The following MID1 variants were observed in gnomAD, a reference collection of about 807,000 sequenced individuals.
MID1 encodes midline 1.
In MID1, 7 loss-of-function variants were observed where a neutral mutation model predicts 40.4. That is an observed-to-expected ratio of 0.17 (90% CI 0.10 to 0.33). MID1 has a LOEUF of 0.33. Among genes scored for constraint, MID1 ranks in the 10% least tolerant of loss-of-function variants. MID1 has a pLI of 1.00. For missense variants in MID1, 367 were observed against 558.5 expected (o/e 0.66, Z 3.46); for synonymous variants, 229 against 221.2 (o/e 1.04, Z -0.31).
At chrX:10,725,051 A>G (rs2043380700) in intron 1 of MID1, among the ~76,000 whole-genome samples, 1 of 111,378 alleles carries the variant, frequency 9.0e-6, no homozygotes. Flanking sequence ...ATGGGTCTGA[A>G]CTCCAAAACT....
At chrX:10,829,535 T>G (rs771877917) in intron 1 of MID1, among the ~76,000 whole-genome samples, 7 of 112,110 alleles carry the variant, frequency 6.2e-5, no homozygotes, top group South Asian at 7.4e-4. Context: ...AAAATAACAT[T>G]AAATGAACCA....
intron 1 of MID1, among the ~76,000 whole-genome samples, chrX:10,646,218 T>C (rs1032248224): frequency 1.8e-5 from 2 of 111,951 alleles, no homozygotes; most frequent in Non-Finnish European, 3.8e-5. Flanking sequence ...CTTTCCCGCT[T>C]TAAATGTTGA....
At position 10,494,723 on chromosome X, in the gene MID1, A is replaced by C. The variant is rs920152295; in HGVS notation, c.864+861T>G. Among the ~76,000 whole-genome samples, 3 of 104,186 alleles carry C rather than the reference A, an allele frequency of 2.9e-5. No homozygotes were observed. The East Asian group carries it at 9.0e-4, about 31-fold the overall frequency. 90.5% of individuals were successfully genotyped at this position (104,186 alleles called of 115,157 possible). A position where few individuals can be genotyped will look rare whatever the true frequency, so the allele number is the denominator to read the frequency against. ...CGGGAGGCGGCAGTTGCAGTGAGCC[A>C]TGATCGTGCCACTGCACTCCAGCCT... On this transcript the variant is annotated intron_variant, in intron 4 of 9. Coordinates refer to ENST00000317552, the MANE Select transcript of MID1 (RefSeq NM_000381.4).
intron 1 of MID1, among the ~76,000 whole-genome samples, chrX:10,575,629 G>A (rs1329936664): frequency 1.8e-5 from 2 of 111,241 alleles, no homozygotes; most frequent in African/African-American, 6.5e-5. Flanking sequence ...TTACTGATTA[G>A]CACTCTGGCC....
intron 1 of MID1, among the ~76,000 whole-genome samples, chrX:10,583,995 C>T (rs769948311): frequency 9.2e-6 from 1 of 108,729 alleles, no homozygotes; most frequent in Non-Finnish European, 1.9e-5. Context: ...CACACCACTG[C>T]ACTCCAGCCT....
At chrX:10,580,540 G>C (rs1486570816) in intron 1 of MID1, among the ~76,000 whole-genome samples, 2 of 110,916 alleles carry the variant, frequency 1.8e-5, no homozygotes, top group Non-Finnish European at 3.8e-5. Flanking sequence ...CTTTTCTTCT[G>C]ATGCAAATTC....
At chrX:10,678,143 C>CTATG (rs2043035425) in intron 1 of MID1, among the ~76,000 whole-genome samples, 1 of 111,241 alleles carries the variant, frequency 9.0e-6, no homozygotes, top group Non-Finnish European at 1.9e-5. Context: ...CTTTGTTATA[C>CTATG]GCAATTTAAG....
chrX:10,508,531 G>C (rs1459047604), intron 3 of MID1, among the ~76,000 whole-genome samples: 1 of 111,521 alleles, frequency 9.0e-6, no homozygotes, highest in Non-Finnish European at 1.9e-5. Flanking sequence ...TGACTCTGGA[G>C]AGTTTGAGAA....
chrX:10,766,046 A>G lies in MID1; in HGVS notation c.-187+67508T>C, dbSNP rs756179443. Among the ~76,000 whole-genome samples the G allele has an allele frequency of 2.7e-5, 3 of 111,181 alleles. No individual in the cohort carries two copies. In the South Asian group the frequency reaches 1.2e-3, roughly 43 times the overall value. On this transcript the variant is annotated intron_variant, in intron 1 of 10. Transcript: ENST00000380785. The stretch of plus-strand genomic sequence containing the variant: ...ATGAAGCTCAAATCTCAGAAACAGA[A>G]CCTCTTGCCTTAGGGTCTGAGCAGG...
intron 1 of MID1, among the ~76,000 whole-genome samples, chrX:10,789,063 C>T (rs910572303): frequency 4.5e-5 from 5 of 111,080 alleles, no homozygotes; most frequent in South Asian, 3.8e-4. Flanking sequence ...TGTGGTGGTG[C>T]GTGCCTGTGG....
intron 1 of MID1, among the ~76,000 whole-genome samples, chrX:10,817,623 C>CTT (rs749401235): frequency 1.3e-4 from 5 of 37,286 alleles, no homozygotes; most frequent in African/African-American, 4.5e-4. Flanking sequence ...TTTCTTTCTT[C>CTT]TTTTTTTTTT....
At chrX:10,655,608 T>C (rs1274991512) in intron 1 of MID1, among the ~76,000 whole-genome samples, 2 of 111,067 alleles carry the variant, frequency 1.8e-5, no homozygotes, top group East Asian at 5.7e-4. Flanking sequence ...ACAAATTATG[T>C]CAACAAGTGA....
intron 1 of MID1, among the ~76,000 whole-genome samples, chrX:10,805,425 A>G (rs1399881290): frequency 9.3e-6 from 1 of 107,976 alleles, no homozygotes; most frequent in African/African-American, 3.4e-5. Flanking sequence ...GCTGCATAGT[A>G]TTCCATGGTG....
At chrX:10,520,841 G>A (rs1372820660) in intron 3 of MID1, among the ~76,000 whole-genome samples, 1 of 111,402 alleles carries the variant, frequency 9.0e-6, no homozygotes, top group Non-Finnish European at 1.9e-5. Flanking sequence ...TCACATTCTG[G>A]TTGGAAAAAT....
chrX:10,586,126 G>T (rs1258485867), intron 1 of MID1, among the ~76,000 whole-genome samples: 1 of 111,164 alleles, frequency 9.0e-6, no homozygotes, highest in Non-Finnish European at 1.9e-5. Context: ...AGTTTTTTTA[G>T]AGTTCCAGTA....
chrX:10,807,916 C>CT (rs1030170556), intron 1 of MID1, among the ~76,000 whole-genome samples: 1 of 112,209 alleles, frequency 8.9e-6, no homozygotes, highest in African/African-American at 3.2e-5. Flanking sequence ...TCCAGGTCTC[C>CT]TAGGATAGGG....
At chrX:10,815,623 TA>T (rs1193951542) in intron 1 of MID1, among the ~76,000 whole-genome samples, 5 of 112,339 alleles carry the variant, frequency 4.5e-5, no homozygotes, top group Admixed American at 1.9e-4. Flanking sequence ...CCAGTGTGAC[TA>T]TGGGAACTGG....
Position 10,819,469 on chromosome X carries a change from G to A in MID1, c.-187+14085C>T, listed in dbSNP as rs1212842267. 5.4e-5 allele frequency among the ~76,000 whole-genome samples: 6 copies of A among 111,650 alleles called. No individual in the cohort carries two copies. In the East Asian group the frequency reaches 1.7e-3, roughly 31 times the overall value. On this transcript the variant is annotated intron_variant, in intron 1 of 10. Coordinates refer to the MID1 transcript ENST00000380785. ...TGCATATTTTTATCTCCCCAGTCAT[G>A]AGACAGTGGATGTCCTTTATCCTCA...
rs1935915329 is a variant in MID1 at position 10,620,341 on chromosome X, C to T, written c.-108G>A. On this transcript the variant is annotated 5_prime_UTR_variant, in exon 1 of 10. Coordinates refer to ENST00000317552, the MANE Select transcript of MID1 (RefSeq NM_000381.4). ...CCATCCGGCAGGGAGCGAGCTGCAT[C>T]GGAGCCCGCGTCGCAGTCTTCAGAG... 1 of 112,531 alleles carries T rather than the reference C, an allele frequency of 8.9e-6. No homozygotes were observed. Among genetic ancestry groups the T allele is most frequent in the Admixed American group, 9.3e-5 (1 of 10,706 alleles). 9.3% of individuals were successfully genotyped at this position (112,531 alleles called of 1,213,427 possible).
Sources: gnomAD v4.1 joint callset for allele counts (sites outside exome capture counted in the v4.1 genomes callset) on GRCh38, gnomAD v4.1.1 for gene constraint, MANE v1.5 for transcripts, NCBI Gene and HGNC (gene_info 2026-07-23, HGNC 2026-07-21) for gene names.